MTHFD2L: variants seen among roughly 807,000 people sequenced by gnomAD.
MTHFD2L encodes bifunctional methylenetetrahydrofolate dehydrogenase/cyclohydrolase 2, mitochondrial.
A neutral mutation model predicts 34.9 loss-of-function variants in MTHFD2L; 29 were observed. That is an observed-to-expected ratio of 0.83 (90% CI 0.62 to 1.13). The LOEUF is 1.13. MTHFD2L is among the 50% of genes most tolerant of loss of function. The pLI is 0.00. For missense variants in MTHFD2L, 481 were observed against 446.5 expected (o/e 1.08, Z -0.70); for synonymous variants, 167 against 155.7 (o/e 1.07, Z -0.54).
intron 3 of MTHFD2L, among the ~76,000 whole-genome samples, chr4:74,186,516 A>C (rs1731296468): frequency 6.6e-6 from 1 of 151,620 alleles, no homozygotes; most frequent in African/African-American, 2.4e-5. Flanking sequence ...AGCTTAATAT[A>C]GAGGAATCGA....
intron 5 of MTHFD2L, among the ~76,000 whole-genome samples, chr4:74,209,246 G>A (rs1735877053): frequency 6.6e-6 from 1 of 152,138 alleles, no homozygotes. Context: ...AGAACGTGCA[G>A]GTTTGTTACA....
intron 3 of MTHFD2L, chr4:74,190,438 C>T (rs1049676428): frequency 1.5e-4 from 148 of 979,930 alleles, no homozygotes; most frequent in Non-Finnish European, 1.8e-4. Flanking sequence ...TGCCTGAGGA[C>T]ATCCTGGGGC....
intron 1 of MTHFD2L, among the ~76,000 whole-genome samples, chr4:74,135,256 T>C (rs868441903): frequency 6.6e-6 from 1 of 151,938 alleles, no homozygotes; most frequent in African/African-American, 2.4e-5. Context: ...AAATCATCTT[T>C]AGCCAGAATA....
chr4:74,284,426 G>A (rs1245829990), intron 7 of MTHFD2L, among the ~76,000 whole-genome samples: 1 of 152,060 alleles, frequency 6.6e-6, no homozygotes, highest in Non-Finnish European at 1.5e-5. Context: ...TTCTCTGATG[G>A]CCAGTGATGA....
chr4:74,275,178 T>C (rs916730204), intron 6 of MTHFD2L, among the ~76,000 whole-genome samples: 6 of 152,166 alleles, frequency 3.9e-5, no homozygotes, highest in African/African-American at 1.4e-4. Flanking sequence ...CTCCCACTTA[T>C]GAATGAGAAC....
chr4:74,270,218 A>G (rs1488696865), intron 6 of MTHFD2L, among the ~76,000 whole-genome samples: 2 of 151,840 alleles, frequency 1.3e-5, no homozygotes, highest in African/African-American at 4.8e-5. Flanking sequence ...TGTGCACAAC[A>G]TGCAGGTTTG....
intron 6 of MTHFD2L, among the ~76,000 whole-genome samples, chr4:74,276,148 A>G (rs977522490): frequency 1.3e-5 from 2 of 152,108 alleles, no homozygotes; most frequent in African/African-American, 4.8e-5. Flanking sequence ...GTTTTGAAGC[A>G]AGGGTTTCAA....
At chr4:74,238,224 C>T (rs1392195267) in intron 6 of MTHFD2L, among the ~76,000 whole-genome samples, 1 of 152,102 alleles carries the variant, frequency 6.6e-6, no homozygotes, top group Admixed American at 6.6e-5. Context: ...CACCTGGTTA[C>T]CTGCTTTAGG....
At chr4:74,280,532 C>T (rs1330359171) in intron 6 of MTHFD2L, 1 of 152,084 alleles carries the variant, frequency 6.6e-6, no homozygotes, top group Non-Finnish European at 1.5e-5. Context: ...GATCCTAAGC[C>T]AGATGCATCC....
At chr4:74,252,772 A>G (rs1235548254) in intron 6 of MTHFD2L, among the ~76,000 whole-genome samples, 35 of 152,142 alleles carry the variant, frequency 2.3e-4, no homozygotes, top group Non-Finnish European at 2.9e-5. Context: ...ATTCTGCTTA[A>G]GAGTTTCAGA....
At chr4:74,182,047 T>G (rs1201593424) in intron 3 of MTHFD2L, among the ~76,000 whole-genome samples, 1 of 152,202 alleles carries the variant, frequency 6.6e-6, no homozygotes, top group Non-Finnish European at 1.5e-5. Flanking sequence ...TTTATCATTC[T>G]GAACTCTTTC....
intron 3 of MTHFD2L, among the ~76,000 whole-genome samples, chr4:74,187,767 CACACTG>C (rs1296746570): frequency 1.4e-5 from 2 of 143,998 alleles, no homozygotes; most frequent in Non-Finnish European, 3.0e-5. Flanking sequence ...CACACACACA[CACACTG>C]GTCCAGCCAT....
At chr4:74,255,861 A>G (rs1371562349) in intron 6 of MTHFD2L, among the ~76,000 whole-genome samples, 1 of 152,140 alleles carries the variant, frequency 6.6e-6, no homozygotes, top group Non-Finnish European at 1.5e-5. Flanking sequence ...GTACCATTCC[A>G]TGGTGTATAT....
chr4:74,147,951 T>C (rs1723696154), intron 1 of MTHFD2L, among the ~76,000 whole-genome samples: 4 of 152,164 alleles, frequency 2.6e-5, no homozygotes, highest in African/African-American at 9.6e-5. Flanking sequence ...TTTTTCCTGT[T>C]CTCTTGATTG....
intron 1 of MTHFD2L, chr4:74,143,325 G>T (rs920040661): frequency 1.4e-6 from 1 of 739,796 alleles, no homozygotes; most frequent in Non-Finnish European, 1.6e-6. Flanking sequence ...TCATATGGCT[G>T]GTGACAGTGA....
chr4:74,196,703 C>T (rs1733536632), intron 3 of MTHFD2L, among the ~76,000 whole-genome samples: 1 of 151,950 alleles, frequency 6.6e-6, no homozygotes, highest in African/African-American at 2.4e-5. Context: ...AATCCCAGCA[C>T]TTTGGGAGGC....
intron 1 of MTHFD2L, among the ~76,000 whole-genome samples, chr4:74,168,660 A>G (rs558240714): frequency 2.4e-4 from 37 of 152,296 alleles, no homozygotes; most frequent in African/African-American, 8.7e-4. Flanking sequence ...GACTTTCAAT[A>G]TATATTTGTT....
At chr4:74,287,689 G>T (rs762135976) in intron 7 of MTHFD2L, among the ~76,000 whole-genome samples, 1 of 152,216 alleles carries the variant, frequency 6.6e-6, no homozygotes, top group African/African-American at 2.4e-5. Flanking sequence ...AGAGGTTGCA[G>T]TGAGCCGAGA....
At chr4:74,120,709 A>G (rs903710000), upstream of MTHFD2L, among the ~76,000 whole-genome samples, 1 of 152,226 alleles carries the variant, frequency 6.6e-6, no homozygotes, top group Non-Finnish European at 1.5e-5. Context: ...ATATCTGTTC[A>G]CACAGCTCTG....
Sources: allele counts gnomAD v4.1 joint callset (sites outside exome capture counted in the v4.1 genomes callset), GRCh38; gene constraint gnomAD v4.1.1; transcripts MANE v1.5; gene names NCBI Gene and HGNC (gene_info 2026-07-23, HGNC 2026-07-21).